DCC: variants seen among roughly 807,000 people sequenced by gnomAD.
DCC encodes the protein DCC netrin 1 receptor.
In DCC, 58 loss-of-function variants were observed where a neutral mutation model predicts 172.5. The observed-to-expected ratio is 0.34, with a 90% CI of 0.27 to 0.42. The LOEUF is 0.42. Ranked by LOEUF, DCC falls within the 10% of genes least tolerant of loss-of-function variation. The pLI is 1.00. For synonymous variants in DCC, 709 were observed against 644.5 expected, an observed-to-expected ratio of 1.10 and a Z score of -1.52; for missense variants, 1,740 against 1,791.0, an observed-to-expected ratio of 0.97 and a Z score of 0.51.
At chr18:53,384,327 AT>A (rs999054444) in intron 15 of DCC, among the ~76,000 whole-genome samples, 19 of 151,676 alleles carry the variant, frequency 1.3e-4, no homozygotes, top group African/African-American at 2.4e-4. Flanking sequence ...TGATAATCTA[AT>A]TTTTTTTTCT....
At chr18:53,389,293 T>C (rs562964419) in intron 16 of DCC, among the ~76,000 whole-genome samples, 4 of 152,216 alleles carry the variant, frequency 2.6e-5, no homozygotes, top group Admixed American at 6.5e-5. Flanking sequence ...AAAAAAGTTC[T>C]GTAGCAACAA....
chr18:53,228,261 T>TA (rs1324280321), intron 12 of DCC, among the ~76,000 whole-genome samples: 2 of 151,386 alleles, frequency 1.3e-5, no homozygotes, highest in African/African-American at 4.9e-5. Context: ...AGTAAAAAAA[T>TA]AAAAATAAAA....
chr18:53,278,220 G>C (rs528397572), intron 12 of DCC, among the ~76,000 whole-genome samples: 1 of 151,890 alleles, frequency 6.6e-6, no homozygotes, highest in African/African-American at 2.4e-5. Flanking sequence ...TCACATATTG[G>C]GAATTATATG....
intron 7 of DCC, among the ~76,000 whole-genome samples, chr18:53,090,238 G>T (rs931455694): frequency 6.6e-6 from 1 of 152,116 alleles, no homozygotes; most frequent in Non-Finnish European, 1.5e-5. Context: ...TTTCTTTAAA[G>T]GCAAATAGTT....
At chr18:53,025,423 C>CAG (rs2041941956) in intron 5 of DCC, among the ~76,000 whole-genome samples, 1 of 152,008 alleles carries the variant, frequency 6.6e-6, no homozygotes, top group African/African-American at 2.4e-5. Context: ...GATTGTTTGC[C>CAG]TTAGGGTTTG....
intron 8 of DCC, among the ~76,000 whole-genome samples, chr18:53,169,300 T>C (rs1309946794): frequency 6.6e-6 from 1 of 152,192 alleles, no homozygotes; most frequent in Non-Finnish European, 1.5e-5. Context: ...TTCTTAAAAC[T>C]AGCATTCACA....
intron 23 of DCC, among the ~76,000 whole-genome samples, chr18:53,451,712 T>G (rs1043560836): frequency 1.3e-5 from 2 of 149,492 alleles, no homozygotes; most frequent in South Asian, 4.2e-4. Flanking sequence ...TCGCTCTTGC[T>G]CTCTCTCTCT....
At chr18:52,376,416 A>T (rs1985348408) in intron 1 of DCC, among the ~76,000 whole-genome samples, 1 of 152,082 alleles carries the variant, frequency 6.6e-6, no homozygotes. Flanking sequence ...GTCTCTGAAG[A>T]TTTCTGTTGT....
intron 2 of DCC, among the ~76,000 whole-genome samples, chr18:52,840,698 A>T (rs924243352): frequency 6.6e-6 from 1 of 152,216 alleles, no homozygotes; most frequent in African/African-American, 2.4e-5. Flanking sequence ...AAATCTGGCT[A>T]TCTGGCTATC....
At chr18:53,182,558 C>G (rs1232014933) in intron 9 of DCC, among the ~76,000 whole-genome samples, 2 of 152,182 alleles carry the variant, frequency 1.3e-5, no homozygotes, top group Non-Finnish European at 2.9e-5. Context: ...TTGAGTACTA[C>G]TAAACTCACT....
intron 10 of DCC, 132 bp downstream of exon 10, chr18:53,205,496 A>C: frequency 2.3e-6 from 2 of 880,878 alleles, no homozygotes; most frequent in Non-Finnish European, 3.8e-6. Context: ...ATTCATTGAA[A>C]AGCTGATTAG....
At chr18:52,964,022 G>C (rs1362171117) in intron 5 of DCC, among the ~76,000 whole-genome samples, 1 of 152,096 alleles carries the variant, frequency 6.6e-6, no homozygotes, top group Non-Finnish European at 1.5e-5. Context: ...GACTTTAATG[G>C]ATAGAGACAG....
At chr18:53,278,579 T>G (rs2056832756) in intron 12 of DCC, among the ~76,000 whole-genome samples, 1 of 152,178 alleles carries the variant, frequency 6.6e-6, no homozygotes, top group African/African-American at 2.4e-5. Context: ...TTCCTGCTGT[T>G]AATTTTCAAA....
At chr18:53,002,495 A>G (rs1324907952) in intron 5 of DCC, among the ~76,000 whole-genome samples, 1 of 152,028 alleles carries the variant, frequency 6.6e-6, no homozygotes, top group Non-Finnish European at 1.5e-5. Context: ...GTGACCCAGA[A>G]TATCAAGGAT....
chr18:52,382,645 T>C (rs1985634150), intron 1 of DCC, among the ~76,000 whole-genome samples: 1 of 152,112 alleles, frequency 6.6e-6, no homozygotes, highest in Non-Finnish European at 1.5e-5. Flanking sequence ...CAGCCAACAA[T>C]GACCAATTTG....
intron 1 of DCC, among the ~76,000 whole-genome samples, chr18:52,448,184 A>G (rs1988185093): frequency 1.3e-5 from 2 of 152,162 alleles, no homozygotes; most frequent in Admixed American, 6.5e-5. Context: ...CATGAACCCT[A>G]CTGTGAACTG....
At chr18:53,399,594 A>G (rs1909174489) in intron 18 of DCC, among the ~76,000 whole-genome samples, 1 of 152,094 alleles carries the variant, frequency 6.6e-6, no homozygotes, top group Non-Finnish European at 1.5e-5. Flanking sequence ...GAAGTATAGG[A>G]AAAAATGAGA....
chr18:53,262,473 C>G (rs2056618374), intron 12 of DCC, among the ~76,000 whole-genome samples: 1 of 152,160 alleles, frequency 6.6e-6, no homozygotes, highest in Non-Finnish European at 1.5e-5. Context: ...AAGCTAAACT[C>G]CCATCTGATT....
At chr18:52,772,292 C>A (rs1037303411) in intron 2 of DCC, among the ~76,000 whole-genome samples, 1 of 152,072 alleles carries the variant, frequency 6.6e-6, no homozygotes, top group Non-Finnish European at 1.5e-5. Context: ...GACAGTAAAC[C>A]ATGGATATCA....
Sources: gnomAD v4.1 joint callset for allele counts (sites outside exome capture counted in the v4.1 genomes callset) on GRCh38, gnomAD v4.1.1 for gene constraint, MANE v1.5 for transcripts, NCBI Gene and HGNC (gene_info 2026-07-23, HGNC 2026-07-21) for gene names.